The following ARHGAP15 variants were observed in gnomAD, a reference collection of about 807,000 sequenced individuals.
ARHGAP15 encodes rho GTPase-activating protein 15.
A neutral mutation model predicts 63.7 loss-of-function variants in ARHGAP15; 51 were observed. The observed-to-expected ratio is 0.80, with a 90% CI of 0.64 to 1.01. The LOEUF (loss-of-function observed/expected upper bound fraction) is 1.01. ARHGAP15 is among the 50% of genes least tolerant of loss of function. ARHGAP15 has a pLI of 0.00. For missense variants in ARHGAP15, 560 were observed against 564.6 expected (o/e 0.99, Z 0.08); for synonymous variants, 191 against 193.8 (o/e 0.99, Z 0.12).
At chr2:143,689,659 G>A (rs1683504646) in intron 12 of ARHGAP15, among the ~76,000 whole-genome samples, 1 of 152,144 alleles carries the variant, frequency 6.6e-6, no homozygotes, top group South Asian at 2.1e-4. Flanking sequence ...TAAGGCACTA[G>A]TATCCTGACA....
At chr2:143,302,185 T>TA (rs1286561985) in intron 6 of ARHGAP15, among the ~76,000 whole-genome samples, 3 of 151,942 alleles carry the variant, frequency 2.0e-5, no homozygotes, top group Non-Finnish European at 4.4e-5. Context: ...CAGATGTCTA[T>TA]AGATTGCATT....
At chr2:143,142,776 G>A (rs1380211933) in intron 1 of ARHGAP15, among the ~76,000 whole-genome samples, 2 of 151,954 alleles carry the variant, frequency 1.3e-5, no homozygotes, top group Admixed American at 1.3e-4. Context: ...GCACAAGATG[G>A]GGAAATGTAG....
chr2:143,338,580 A>G (rs1281796645), intron 6 of ARHGAP15, among the ~76,000 whole-genome samples: 3 of 152,162 alleles, frequency 2.0e-5, no homozygotes, highest in African/African-American at 7.2e-5. Flanking sequence ...TTGTACAGCT[A>G]ATTTAGTATC....
chr2:143,256,747 G>A (rs985142264), intron 6 of ARHGAP15, among the ~76,000 whole-genome samples: 2 of 151,998 alleles, frequency 1.3e-5, no homozygotes, highest in African/African-American at 2.4e-5. Flanking sequence ...TTTGCACAGA[G>A]GGAGGCATAA....
intron 11 of ARHGAP15, among the ~76,000 whole-genome samples, chr2:143,559,616 G>A (rs780994008): frequency 5.3e-5 from 8 of 152,152 alleles, no homozygotes; most frequent in Admixed American, 1.3e-4. Context: ...CTTTGAATGC[G>A]TTTTCTGGAC....
chr2:143,434,137 A>G (rs1365245509), intron 6 of ARHGAP15, among the ~76,000 whole-genome samples: 1 of 152,108 alleles, frequency 6.6e-6, no homozygotes, highest in Non-Finnish European at 1.5e-5. Context: ...TTTCATTTTA[A>G]AAAGAGAGAG....
chr2:143,185,102 A>C (rs1308288773), intron 2 of ARHGAP15, among the ~76,000 whole-genome samples: 1 of 152,166 alleles, frequency 6.6e-6, no homozygotes, highest in Non-Finnish European at 1.5e-5. Context: ...CTGCTTTCAC[A>C]AAATGAGTTT....
intron 1 of ARHGAP15, among the ~76,000 whole-genome samples, chr2:143,144,086 G>C (rs761895937): frequency 6.6e-6 from 1 of 152,024 alleles, no homozygotes; most frequent in Non-Finnish European, 1.5e-5. Context: ...AACCTGCAAA[G>C]GACATGATCT....
intron 6 of ARHGAP15, among the ~76,000 whole-genome samples, chr2:143,337,534 T>C (rs552375625): frequency 3.3e-5 from 5 of 152,320 alleles, no homozygotes; most frequent in African/African-American, 1.2e-4. Context: ...TGGAAACATA[T>C]AAAGTCATTA....
At position 143,301,760 on chromosome 2, in the gene ARHGAP15, G is replaced by A. The variant is rs570681071; in HGVS notation, c.474+51160G>A. Among the ~76,000 whole-genome samples the A allele has an allele frequency of 1.1e-4, 17 of 151,532 alleles. No individual in the cohort carries two copies. The South Asian group carries it at 3.5e-3, about 32-fold the overall frequency. Reference sequence around the variant, plus strand: ...GTATAATACATCTGTCCATATGTATGTATAATACATACATGGACGGATGTA... The same window carrying A: ...GTATAATACATCTGTCCATATGTATATATAATACATACATGGACGGATGTA... On this transcript the variant is annotated intron_variant, in intron 6 of 13. Coordinates refer to ENST00000295095, the MANE Select transcript of ARHGAP15 (RefSeq NM_018460.4).
At chr2:143,693,838 A>G (rs1388975473) in intron 12 of ARHGAP15, among the ~76,000 whole-genome samples, 2 of 152,206 alleles carry the variant, frequency 1.3e-5, no homozygotes, top group African/African-American at 4.8e-5. Flanking sequence ...AAACTGGTTT[A>G]CTTCTTATAA....
At chr2:143,629,321 G>A (rs1255403590) in intron 12 of ARHGAP15, among the ~76,000 whole-genome samples, 1 of 151,976 alleles carries the variant, frequency 6.6e-6, no homozygotes, top group Non-Finnish European at 1.5e-5. Flanking sequence ...AGCAACTATT[G>A]ATCTGAAATT....
At chr2:143,420,924 A>G (rs961054763) in intron 6 of ARHGAP15, among the ~76,000 whole-genome samples, 2 of 152,212 alleles carry the variant, frequency 1.3e-5, no homozygotes, top group Admixed American at 1.3e-4. Context: ...CATCACACAG[A>G]CACATGCTAG....
chr2:143,450,662 A>G (rs915517310), intron 8 of ARHGAP15, among the ~76,000 whole-genome samples: 1 of 151,944 alleles, frequency 6.6e-6, no homozygotes, highest in African/African-American at 2.4e-5. Context: ...CTTAATTATT[A>G]CACTCTCAAC....
intron 10 of ARHGAP15, among the ~76,000 whole-genome samples, chr2:143,550,810 T>G (rs1695525174): frequency 6.6e-6 from 1 of 152,182 alleles, no homozygotes. Flanking sequence ...TGGCTATTAT[T>G]AACCCATAGA....
chr2:143,202,775 A>ATTG (rs1692173357), intron 3 of ARHGAP15, among the ~76,000 whole-genome samples: 1 of 151,092 alleles, frequency 6.6e-6, no homozygotes, highest in Non-Finnish European at 1.5e-5. Flanking sequence ...TTTTTTTGTT[A>ATTG]TTGTTGTTGT....
intron 12 of ARHGAP15, among the ~76,000 whole-genome samples, chr2:143,652,209 T>G (rs1051273760): frequency 2.0e-5 from 3 of 152,040 alleles, no homozygotes; most frequent in Non-Finnish European, 4.4e-5. Context: ...AATTATATTT[T>G]TCCTGTGGAG....
At chr2:143,407,979 CTG>C (rs1358322810) in intron 6 of ARHGAP15, among the ~76,000 whole-genome samples, 4 of 75,192 alleles carry the variant, frequency 5.3e-5, no homozygotes, top group African/African-American at 8.9e-5. Flanking sequence ...AGTCTGACTT[CTG>C]TGTGTGTATA....
chr2:143,768,154 C>T lies in ARHGAP15; in HGVS notation c.1410C>T (p.Phe470=), dbSNP rs754752563. ...ELMLSEYSKI[F]GSEED is the part of the protein sequence containing the mutation. ...TGCTGAGTGAGTACAGTAAGATCTT[C>T]GGCTCAGAGGAAGACTGACAGACAA... Residue 470 remains phenylalanine, a synonymous_variant, in exon 14 of 14, where the codon TTC becomes TTT. Coordinates refer to ENST00000295095, the MANE Select transcript of ARHGAP15 (RefSeq NM_018460.4). 38 of 1,613,262 alleles carry T rather than the reference C, an allele frequency of 2.4e-5. No homozygotes were observed. The South Asian group carries it at 3.6e-4, about 15-fold the overall frequency.
Sources: allele counts gnomAD v4.1 joint callset (sites outside exome capture counted in the v4.1 genomes callset), GRCh38; gene constraint gnomAD v4.1.1; transcripts MANE v1.5; gene names NCBI Gene and HGNC (gene_info 2026-07-23, HGNC 2026-07-21).